The following PRKG1 variants were observed in gnomAD, a reference collection of about 807,000 sequenced individuals.
PRKG1 encodes protein kinase cGMP-dependent 1.
Under a neutral mutation model 88.1 loss-of-function variants are expected in PRKG1, and 35 were observed. The observed-to-expected ratio is 0.40, with a 90% CI of 0.30 to 0.53. The LOEUF (loss-of-function observed/expected upper bound fraction) is 0.53. Among genes scored for constraint, PRKG1 ranks in the 20% least tolerant of loss-of-function variants. PRKG1 has a pLI of 0.59. For missense variants in PRKG1, 540 were observed against 839.8 expected (o/e 0.64, Z 4.41); for synonymous variants, 303 against 292.5 (o/e 1.04, Z -0.37).
chr10:51,286,700 T>C (rs899277881), intron 2 of PRKG1, among the ~76,000 whole-genome samples: 6 of 152,226 alleles, frequency 3.9e-5, no homozygotes, highest in Non-Finnish European at 7.3e-5. Flanking sequence ...CCTGGGAACA[T>C]TCAACATCCC....
intron 9 of PRKG1, among the ~76,000 whole-genome samples, chr10:52,246,368 A>T (rs868227713): frequency 1.3e-5 from 2 of 152,250 alleles, no homozygotes; most frequent in Non-Finnish European, 1.5e-5. Flanking sequence ...AGAAAGAGAG[A>T]TGGGGAAGGG....
intron 3 of PRKG1, among the ~76,000 whole-genome samples, chr10:51,482,997 T>C (rs1840409673): frequency 7.8e-6 from 1 of 128,934 alleles, no homozygotes; most frequent in African/African-American, 2.7e-5. Flanking sequence ...TCCTGAATCT[T>C]TTCTTTTCTT....
chr10:51,552,999 G>A (rs2132131269), intron 3 of PRKG1, among the ~76,000 whole-genome samples: 1 of 151,696 alleles, frequency 6.6e-6, no homozygotes, highest in Middle Eastern at 3.4e-3. Flanking sequence ...ATAACATAAT[G>A]AGGACAGTAA....
chr10:52,068,736 G>A (rs1846421508), intron 7 of PRKG1, among the ~76,000 whole-genome samples: 1 of 152,120 alleles, frequency 6.6e-6, no homozygotes, highest in South Asian at 2.1e-4. Flanking sequence ...ACTTGATAAA[G>A]TTTAGTGTAC....
chr10:51,602,725 A>AAT (rs140820105), intron 3 of PRKG1, among the ~76,000 whole-genome samples: 2,820 of 59,838 alleles, frequency 0.047, 75 homozygotes, highest in African/African-American at 0.082. Flanking sequence ...GGCTTTGATT[A>AAT]ATATATATGT....
chr10:52,247,549 ATAAT>A (rs945764664), intron 9 of PRKG1, among the ~76,000 whole-genome samples: 24 of 152,334 alleles, frequency 1.6e-4, no homozygotes, highest in African/African-American at 4.8e-5. Context: ...AAAACAGAAC[ATAAT>A]TAATTAATTC....
intron 2 of PRKG1, chr10:51,320,594 A>G (rs1317021572): frequency 6.6e-6 from 1 of 152,382 alleles, no homozygotes; most frequent in African/African-American, 2.4e-5. Context: ...ATCCAGAACC[A>G]CCAAAACATA....
Position 51,699,187 on chromosome 10 carries a change from T to G in PRKG1, c.593-105398T>G, listed in dbSNP as rs150525723. ...TGGTAATCGATTCAGGGGCATCTTC[T>G]GGATCGATGGGATCCCCATAGGGTG... On this transcript the variant is annotated intron_variant, in intron 3 of 17. Coordinates refer to ENST00000373980, the MANE Select transcript of PRKG1 (RefSeq NM_006258.4). 3.1e-6 allele frequency: 5 copies of G among 1,614,190 alleles called. No homozygotes were observed. In the African/African-American group the frequency reaches 6.7e-5, roughly 22 times the overall value.
intron 3 of PRKG1, among the ~76,000 whole-genome samples, chr10:51,770,314 C>A (rs1838270942): frequency 6.6e-6 from 1 of 152,170 alleles, no homozygotes; most frequent in South Asian, 2.1e-4. Flanking sequence ...TGTAACTTTA[C>A]TCACTGTGAA....
intron 4 of PRKG1, among the ~76,000 whole-genome samples, chr10:51,895,535 T>C (rs541051034): frequency 6.6e-6 from 1 of 152,238 alleles, no homozygotes; most frequent in African/African-American, 2.4e-5. Context: ...GTGTTTGGAG[T>C]GGACTGATTT....
At chr10:51,297,186 G>C (rs1840743388) in intron 2 of PRKG1, among the ~76,000 whole-genome samples, 1 of 152,010 alleles carries the variant, frequency 6.6e-6, no homozygotes, top group African/African-American at 2.4e-5. Flanking sequence ...TGTAATAGGG[G>C]GAAAAAGGGC....
chr10:52,043,917 G>GAAA (rs5784899), intron 5 of PRKG1, among the ~76,000 whole-genome samples: 60,263 of 133,476 alleles, frequency 0.45, 15,266 homozygotes, highest in Non-Finnish European at 0.57. Flanking sequence ...GTTAAACATA[G>GAAA]AAAAAAAAAA....
chr10:51,070,566 A>G (rs952411388), upstream of PRKG1, among the ~76,000 whole-genome samples: 15 of 152,178 alleles, frequency 9.9e-5, no homozygotes, highest in African/African-American at 3.6e-4. Flanking sequence ...GTGTCAGTGG[A>G]ATGGATAAGT....
intron 14 of PRKG1, among the ~76,000 whole-genome samples, chr10:52,287,394 G>C (rs1480871159): frequency 6.6e-6 from 1 of 151,832 alleles, no homozygotes; most frequent in Non-Finnish European, 1.5e-5. Context: ...ATCCATCACA[G>C]CCCTTAACAG....
intron 2 of PRKG1, among the ~76,000 whole-genome samples, chr10:51,210,687 C>T (rs1409190445): frequency 1.3e-5 from 2 of 152,176 alleles, no homozygotes; most frequent in African/African-American, 4.8e-5. Context: ...CTGTAAACAC[C>T]TCTACGCAAA....
At chr10:52,112,856 C>T (rs180983004) in intron 7 of PRKG1, among the ~76,000 whole-genome samples, 148 of 152,218 alleles carry the variant, frequency 9.7e-4, no homozygotes, top group African/African-American at 2.8e-3. Flanking sequence ...ATTATGACTA[C>T]GGTCGTCCAA....
chr10:51,560,596 T>C (rs1203974868), intron 3 of PRKG1, among the ~76,000 whole-genome samples: 1 of 152,114 alleles, frequency 6.6e-6, no homozygotes, highest in Non-Finnish European at 1.5e-5. Context: ...CAATGTCTTG[T>C]GTTATGTATG....
intron 3 of PRKG1, among the ~76,000 whole-genome samples, chr10:51,759,963 T>C (rs1180590374): frequency 1.3e-5 from 2 of 152,190 alleles, no homozygotes; most frequent in African/African-American, 4.8e-5. Flanking sequence ...TTACTTAGAA[T>C]CTCAATATAT....
intron 4 of PRKG1, among the ~76,000 whole-genome samples, chr10:51,855,244 G>A (rs1018053518): frequency 6.6e-6 from 1 of 152,170 alleles, no homozygotes; most frequent in Non-Finnish European, 1.5e-5. Context: ...GCTTGATTGA[G>A]TCATGACTTG....
Sources: gnomAD v4.1 joint callset for allele counts (sites outside exome capture counted in the v4.1 genomes callset) on GRCh38, gnomAD v4.1.1 for gene constraint, MANE v1.5 for transcripts, NCBI Gene and HGNC (gene_info 2026-07-23, HGNC 2026-07-21) for gene names.